The following SLC22A9 variants were observed in gnomAD, a reference collection of about 807,000 sequenced individuals.
The protein encoded by SLC22A9 is organic anion transporter 7.
In SLC22A9, 64 loss-of-function variants were observed where a neutral mutation model predicts 50.1. The observed-to-expected ratio is 1.28, with a 90% CI of 1.04 to 1.57. The LOEUF (loss-of-function observed/expected upper bound fraction) is 1.57, where lower values mean the gene tolerates loss of function less well. SLC22A9 is among the 40% of genes most tolerant of loss of function. The pLI is 0.00. For missense variants in SLC22A9, 757 were observed against 676.1 expected, an observed-to-expected ratio of 1.12 and a Z score of -1.33; for synonymous variants, 261 against 242.5, an observed-to-expected ratio of 1.08 and a Z score of -0.71.
intron 6 of SLC22A9, among the ~76,000 whole-genome samples, chr11:63,395,237 G>A (rs887875722): frequency 6.6e-6 from 1 of 151,884 alleles, no homozygotes; most frequent in African/African-American, 2.4e-5. Flanking sequence ...TTCTTTTTCA[G>A]GTAAATCAAG....
In SLC22A9 at chr11:63,406,545, T is replaced by C; in HGVS notation, c.1122T>C (p.His374=). Reference sequence around the variant, plus strand: ...TTGGCCTTAATCTCCATGTCCAGCATCTGGGGAACAATGTTTTCCTGTTGC... The same window carrying C: ...TTGGCCTTAATCTCCATGTCCAGCACCTGGGGAACAATGTTTTCCTGTTGC... ...AYFGLNLHVQ[H]LGNNVFLLQT... The change falls in exon 7 of 10, where the codon CAT becomes CAC. Residue 374 remains histidine (H), a synonymous_variant. Transcript: ENST00000279178. The C allele has an allele frequency of 6.2e-7, 1 of 1,613,806 alleles. No homozygotes were observed. Among genetic ancestry groups the C allele is most frequent in the Non-Finnish European group, 8.5e-7 (1 of 1,179,806 alleles).
intron 6 of SLC22A9, among the ~76,000 whole-genome samples, chr11:63,400,903 AT>A (rs1416577083): frequency 6.6e-6 from 1 of 152,132 alleles, no homozygotes; most frequent in Non-Finnish European, 1.5e-5. Flanking sequence ...GGACAAAAAT[AT>A]ATAATCATTT....
intron 6 of SLC22A9, among the ~76,000 whole-genome samples, chr11:63,398,274 C>A (rs2014894527): frequency 6.6e-6 from 1 of 152,046 alleles, no homozygotes; most frequent in African/African-American, 2.4e-5. Context: ...CTTCATTCTT[C>A]CCTCTCCTCT....
intron 5 of SLC22A9, among the ~76,000 whole-genome samples, chr11:63,377,520 AT>A (rs2014485501): frequency 6.6e-6 from 1 of 152,184 alleles, no homozygotes; most frequent in Non-Finnish European, 1.5e-5. Context: ...AAACAAAGAT[AT>A]AACATACCAG....
In SLC22A9 at chr11:63,370,463, G is replaced by C. The variant is rs368698994; in HGVS notation, c.402+5G>C. On this transcript the variant is annotated splice_donor_5th_base_variant and intron_variant, in intron 1 of 9. Transcript: ENST00000279178. ...TCATCCACCATCGTGACTGAGGTAA[G>C]AGGCTCTGTTCTCGTCTCATGAGTA... The C allele has an allele frequency of 2.3e-4, 355 of 1,573,486 alleles. 15 individuals carry two copies. Among genetic ancestry groups the C allele is most frequent in the East Asian group, 1.1e-3 (51 of 44,678 alleles).
At chr11:63,381,420 G>A (rs2014558041) in intron 5 of SLC22A9, among the ~76,000 whole-genome samples, 1 of 152,080 alleles carries the variant, frequency 6.6e-6, no homozygotes, top group Non-Finnish European at 1.5e-5. Flanking sequence ...ACCTGTCCCA[G>A]TTTTTTTAAC....
At chr11:63,386,374 G>T (rs946911643) in intron 6 of SLC22A9, among the ~76,000 whole-genome samples, 1 of 145,306 alleles carries the variant, frequency 6.9e-6, no homozygotes, top group South Asian at 2.2e-4. Context: ...CAGAAGAAAT[G>T]GTACCAGCTC....
Position 63,409,894 on chromosome 11 carries a change from G to A in SLC22A9, c.*32G>A. 6 of 1,609,720 alleles carry A rather than the reference G, an allele frequency of 3.7e-6. No homozygotes were observed. The highest frequency in any genetic ancestry group is 5.1e-6 in the Non-Finnish European group (6 of 1,176,438). On this transcript the variant is annotated 3_prime_UTR_variant, in exon 10 of 10. Coordinates refer to ENST00000279178, the MANE Select transcript of SLC22A9 (RefSeq NM_080866.3). ...CCAGGAGCTGACTGCCGATCAATGA[G>A]CCAGATGAAGGGAACAATCAGGACT...
At chr11:63,391,297 C>T (rs1465617938) in intron 6 of SLC22A9, among the ~76,000 whole-genome samples, 1 of 152,024 alleles carries the variant, frequency 6.6e-6, no homozygotes, top group African/African-American at 2.4e-5. Flanking sequence ...ATTCTTCAGC[C>T]ATTGGATGAA....
At position 63,408,095 on chromosome 11, in the gene SLC22A9, G is replaced by A; in HGVS notation, c.1289-17G>A. On this transcript the variant is annotated splice_polypyrimidine_tract_variant and intron_variant, in intron 7 of 9. Coordinates refer to ENST00000279178, the MANE Select transcript of SLC22A9 (RefSeq NM_080866.3). ...CAGCTCAGATTTCCTGAGGCCTTGT[G>A]TTCTTCCTTTCTCCAGAAATGCAGA... 1 of 1,608,014 alleles carries A rather than the reference G, an allele frequency of 6.2e-7. No homozygotes were observed.
chr11:63,401,468 A>G (rs1390943629), intron 6 of SLC22A9, among the ~76,000 whole-genome samples: 1 of 152,106 alleles, frequency 6.6e-6, no homozygotes, highest in East Asian at 1.9e-4. Flanking sequence ...TCTACAATGA[A>G]AACAATAAGC....
At chr11:63,387,567 A>G (rs1039963271) in intron 6 of SLC22A9, among the ~76,000 whole-genome samples, 15 of 152,078 alleles carry the variant, frequency 9.9e-5, no homozygotes, top group African/African-American at 3.4e-4. Flanking sequence ...CTGTAGTATA[A>G]TTTGAAGTCA....
In SLC22A9 at chr11:63,373,633, C is replaced by G. The variant is rs768766448; in HGVS notation, c.507-11C>G. On this transcript the variant is annotated splice_polypyrimidine_tract_variant and intron_variant, in intron 2 of 9. Coordinates refer to ENST00000279178, the MANE Select transcript of SLC22A9 (RefSeq NM_080866.3). ...ATTGTTCCCATTATCTAACCTGTTTCTGTTTCTCAGGTTTGGGAGAAGGTT... is the reference window on the plus strand; with the variant it reads ...ATTGTTCCCATTATCTAACCTGTTTGTGTTTCTCAGGTTTGGGAGAAGGTT... 1.3e-6 allele frequency: 2 copies of G among 1,527,092 alleles called. No individual in the cohort carries two copies. Among genetic ancestry groups the G allele is most frequent in the African/African-American group, 2.8e-5 (2 of 71,650 alleles). 94.6% of individuals were successfully genotyped at this position (1,527,092 alleles called of 1,614,324 possible).
At chr11:63,381,921 A>G (rs1391428993) in intron 5 of SLC22A9, among the ~76,000 whole-genome samples, 1 of 152,164 alleles carries the variant, frequency 6.6e-6, no homozygotes, top group Non-Finnish European at 1.5e-5. Flanking sequence ...AATGCTCTGT[A>G]GCCACTTGGA....
At position 63,371,958 on chromosome 11, in the gene SLC22A9, C is replaced by A. The variant is rs920773616; in HGVS notation, c.506+720C>A. Among the ~76,000 whole-genome samples the A allele has an allele frequency of 5.9e-5, 9 of 152,114 alleles. 1 individual carries two copies. The South Asian group carries it at 1.9e-3, about 32-fold the overall frequency. Reference sequence around the variant, plus strand: ...CACTTGCCATCCACCAACATCATGTCTTCTGGTGTCTCACCTGAAAATTTG... The same window carrying A: ...CACTTGCCATCCACCAACATCATGTATTCTGGTGTCTCACCTGAAAATTTG... On this transcript the variant is annotated intron_variant, in intron 2 of 9. Transcript: ENST00000279178.
chr11:63,398,355 C>T (rs72928246), intron 6 of SLC22A9, among the ~76,000 whole-genome samples: 29,993 of 152,170 alleles, frequency 0.2, 3,812 homozygotes, highest in Middle Eastern at 0.36. Flanking sequence ...ACAGGTCCCC[C>T]GAGTTCACTG....
At chr11:63,400,400 A>G (rs2014933001) in intron 6 of SLC22A9, among the ~76,000 whole-genome samples, 1 of 152,092 alleles carries the variant, frequency 6.6e-6, no homozygotes, top group South Asian at 2.1e-4. Context: ...TAAATTGAAA[A>G]CCCTAGAAGA....
chr11:63,403,872 A>G (rs2014993802), intron 6 of SLC22A9, among the ~76,000 whole-genome samples: 1 of 152,106 alleles, frequency 6.6e-6, no homozygotes, highest in South Asian at 2.1e-4. Context: ...TGTTCAAAGG[A>G]TATGGAGAAA....
intron 6 of SLC22A9, among the ~76,000 whole-genome samples, chr11:63,400,476 A>G (rs1416333469): frequency 6.6e-6 from 1 of 152,070 alleles, no homozygotes; most frequent in Non-Finnish European, 1.5e-5. Context: ...AGAAATACAA[A>G]CCATGAACAG....
Sources: gnomAD v4.1 joint callset for allele counts (sites outside exome capture counted in the v4.1 genomes callset) on GRCh38, gnomAD v4.1.1 for gene constraint, MANE v1.5 for transcripts, NCBI Gene and HGNC (gene_info 2026-07-23, HGNC 2026-07-21) for gene names.